Variants in CAP2 observed in about 807,000 individuals in gnomAD.
CAP2 encodes the protein adenylyl cyclase-associated protein 2.
Under a neutral mutation model 57.7 loss-of-function variants are expected in CAP2, and 24 were observed. The ratio of observed to expected loss-of-function variants is 0.42; its 90% confidence interval spans 0.30 to 0.58. The LOEUF (loss-of-function observed/expected upper bound fraction) is 0.58, where lower values mean the gene tolerates loss of function less well. CAP2 is among the 20% of genes least tolerant of loss of function. The pLI is 0.22. For missense variants in CAP2, 501 were observed against 590.3 expected (o/e 0.85, Z 1.57); for synonymous variants, 194 against 207.2 (o/e 0.94, Z 0.55).
At chr6:17,412,003 C>T (rs1031259593) in intron 1 of CAP2, among the ~76,000 whole-genome samples, 6 of 152,154 alleles carry the variant, frequency 3.9e-5, no homozygotes, top group Admixed American at 3.3e-4. Context: ...GCTAAGCGAG[C>T]TTCCACTCCA....
At chr6:17,456,152 C>T (rs1295732859) in intron 3 of CAP2, among the ~76,000 whole-genome samples, 1 of 152,182 alleles carries the variant, frequency 6.6e-6, no homozygotes, top group African/African-American at 2.4e-5. Context: ...TGCGAATTCT[C>T]GGGCCAACCC....
chr6:17,486,558 A>G (rs1220564812), intron 4 of CAP2, among the ~76,000 whole-genome samples: 1 of 152,220 alleles, frequency 6.6e-6, no homozygotes, highest in East Asian at 1.9e-4. Context: ...GTAAGCCAAG[A>G]TCACACCACT....
At chr6:17,539,572 T>C (rs1762851997) in intron 8 of CAP2, 114 bp downstream of exon 8, 1 of 773,818 alleles carries the variant, frequency 1.3e-6, no homozygotes, top group African/African-American at 1.8e-5. Context: ...GCCTCCAGCA[T>C]GCAGGGAGAG....
At chr6:17,485,601 T>C (rs1418603547) in intron 4 of CAP2, among the ~76,000 whole-genome samples, 21 of 152,234 alleles carry the variant, frequency 1.4e-4, no homozygotes, top group Admixed American at 1.4e-3. Context: ...TGATTTCCAC[T>C]GACCCCAGAA....
Position 17,435,832 on chromosome 6 carries a change from T to A in CAP2, c.222+9142T>A, listed in dbSNP as rs1200233216. On this transcript the variant is annotated intron_variant, in intron 3 of 12. Transcript: ENST00000229922. ...TCAAAATACTCCTCTGTGTAGTTTA[T>A]CACAGTTTATTTGACCAGATCCCTG... Among the ~76,000 whole-genome samples, 9 of 152,176 alleles carry A rather than the reference T, an allele frequency of 5.9e-5. No homozygotes were observed. The South Asian group carries it at 1.9e-3, about 32-fold the overall frequency.
intron 7 of CAP2, among the ~76,000 whole-genome samples, chr6:17,521,179 C>G (rs1762384136): frequency 1.3e-5 from 2 of 152,090 alleles, no homozygotes; most frequent in Admixed American, 1.3e-4. Context: ...TTTTGAGAGG[C>G]CGAGGCGGGC....
At chr6:17,550,498 G>A (rs943746481) in intron 11 of CAP2, among the ~76,000 whole-genome samples, 24 of 142,726 alleles carry the variant, frequency 1.7e-4, no homozygotes, top group African/African-American at 5.5e-4. Flanking sequence ...GAGTGACCTG[G>A]CCAGACTCCC....
intron 12 of CAP2, 94 bp downstream of exon 12, chr6:17,551,698 T>A: frequency 1.0e-6 from 1 of 965,752 alleles, no homozygotes. Context: ...ACCTGCGAGC[T>A]TTATTTGTAG....
chr6:17,554,970 G>T (rs1293520978), intron 12 of CAP2, among the ~76,000 whole-genome samples: 2 of 152,198 alleles, frequency 1.3e-5, no homozygotes, highest in African/African-American at 2.4e-5. Flanking sequence ...GGGAGAAGTA[G>T]AGTGCCTTGG....
chr6:17,462,687 G>A (rs557678674), intron 3 of CAP2, among the ~76,000 whole-genome samples: 190 of 152,248 alleles, frequency 1.2e-3, no homozygotes, highest in Non-Finnish European at 2.0e-3. Flanking sequence ...TTCACTCAGC[G>A]TAATGTTTTC....
chr6:17,521,751 AC>A (rs982159956), intron 7 of CAP2, among the ~76,000 whole-genome samples: 3 of 152,150 alleles, frequency 2.0e-5, no homozygotes, highest in African/African-American at 7.2e-5. Context: ...CGTGGAAGAT[AC>A]GGCCCATCCT....
At chr6:17,483,011 C>T (rs569902910) in intron 4 of CAP2, among the ~76,000 whole-genome samples, 2 of 152,346 alleles carry the variant, frequency 1.3e-5, no homozygotes, top group East Asian at 3.9e-4. Context: ...TCCTCTGTAC[C>T]AATAACTGCT....
chr6:17,515,756 G>A (rs1444983762), intron 7 of CAP2, among the ~76,000 whole-genome samples: 1 of 152,050 alleles, frequency 6.6e-6, no homozygotes, highest in Non-Finnish European at 1.5e-5. Flanking sequence ...GAGTACCTAG[G>A]CGATCCTAGG....
At position 17,411,942 on chromosome 6, in the gene CAP2, G is replaced by C. The variant is rs527299251; in HGVS notation, c.-1-9613G>C. On this transcript the variant is annotated intron_variant, in intron 1 of 12. Coordinates refer to ENST00000229922, the MANE Select transcript of CAP2 (RefSeq NM_006366.3). ...TAGGTGCTTAGAAAGGGCTATAGAGGGGCCTGGGGAATGAGCTCCTCTTCA... is the reference window on the plus strand; with the variant it reads ...TAGGTGCTTAGAAAGGGCTATAGAGCGGCCTGGGGAATGAGCTCCTCTTCA... 2.0e-4 allele frequency among the ~76,000 whole-genome samples: 30 copies of C among 152,298 alleles called. No individual in the cohort carries two copies. In the East Asian group the frequency reaches 5.4e-3, roughly 27 times the overall value.
At position 17,507,058 on chromosome 6, in the gene CAP2, C is replaced by A. The variant is rs964542657; in HGVS notation, c.301-111C>A. The A allele has an allele frequency of 3.1e-5, 31 of 992,534 alleles. No individual in the cohort carries two copies. In the African/African-American group the frequency reaches 3.9e-4, roughly 12 times the overall value. 61.5% of individuals were successfully genotyped at this position (992,534 alleles called of 1,614,324 possible). ...AAGATGATTATATGTTTCTTTTAGA[C>A]CCCTTAACAGACGGCAGGTCCTGAA... On this transcript the variant is annotated intron_variant, in intron 4 of 12. Transcript: ENST00000229922.
intron 3 of CAP2, among the ~76,000 whole-genome samples, chr6:17,437,062 A>G (rs1329858673): frequency 7.2e-5 from 11 of 152,142 alleles, no homozygotes; most frequent in Non-Finnish European, 8.8e-5. Flanking sequence ...TTACAGGAAA[A>G]TAAGCTCAGG....
In CAP2 at chr6:17,454,201, C is replaced by T. The variant is rs755310249; in HGVS notation, c.223-8795C>T. Among the ~76,000 whole-genome samples the T allele has an allele frequency of 5.3e-5, 8 of 152,106 alleles. No homozygotes were observed. In the East Asian group the frequency reaches 1.4e-3, roughly 26 times the overall value. ...CTGGGATTACGGGCATGAGCCACTG[C>T]GTCCGGCTCAGGGCTCCTTCAAGCA... On this transcript the variant is annotated intron_variant, in intron 3 of 12. Transcript: ENST00000229922.
intron 4 of CAP2, among the ~76,000 whole-genome samples, chr6:17,490,434 T>C (rs534316359): frequency 7.9e-5 from 12 of 152,360 alleles, no homozygotes; most frequent in African/African-American, 2.9e-4. Flanking sequence ...TTCCCCTTTA[T>C]TTTACAATTA....
chr6:17,433,820 A>G (rs1386011860), intron 3 of CAP2, among the ~76,000 whole-genome samples: 2 of 152,228 alleles, frequency 1.3e-5, no homozygotes, highest in African/African-American at 2.4e-5. Context: ...GCTAAATCTC[A>G]GGCCTTCATT....
Sources: allele counts gnomAD v4.1 joint callset (sites outside exome capture counted in the v4.1 genomes callset), GRCh38; gene constraint gnomAD v4.1.1; transcripts MANE v1.5; gene names NCBI Gene and HGNC (gene_info 2026-07-23, HGNC 2026-07-21).